TAOK1: variants seen among roughly 807,000 people sequenced by gnomAD.
The protein encoded by TAOK1 is TAO kinase 1.
TAOK1 carries 21 observed loss-of-function variants against 138.3 expected under a neutral mutation model. That is an observed-to-expected ratio of 0.15 (90% confidence interval 0.11 to 0.22). The LOEUF (loss-of-function observed/expected upper bound fraction) is 0.22. TAOK1 is among the 10% of genes least tolerant of loss of function. The pLI, the probability that TAOK1 is intolerant of heterozygous loss-of-function variation, is 1.00. For missense variants in TAOK1, 651 were observed against 1,227.7 expected (o/e 0.53, Z 7.02); for synonymous variants, 361 against 398.4 (o/e 0.91, Z 1.12).
intron 16 of TAOK1, among the ~76,000 whole-genome samples, chr17:29,520,482 C>T (rs1330767230): frequency 1.3e-5 from 2 of 150,266 alleles, no homozygotes; most frequent in African/African-American, 2.4e-5. Flanking sequence ...GGTGTGATCT[C>T]GGCTCACTGC....
intron 7 of TAOK1, 56 bp downstream of exon 7, chr17:29,480,537 T>G: frequency 1.4e-6 from 2 of 1,440,074 alleles, no homozygotes; most frequent in East Asian, 4.7e-5. Context: ...ATGTTTAACA[T>G]GAAATACAAA....
At chr17:29,494,547 C>G (rs1038233569) in intron 10 of TAOK1, among the ~76,000 whole-genome samples, 8 of 152,128 alleles carry the variant, frequency 5.3e-5, no homozygotes, top group Admixed American at 3.3e-4. Context: ...TCAAGGATAG[C>G]TGGGCGCGGT....
chr17:29,391,423 G>A (rs1282573869), intron 1 of TAOK1, among the ~76,000 whole-genome samples: 1 of 152,090 alleles, frequency 6.6e-6, no homozygotes. Flanking sequence ...GTGGCTTGCT[G>A]GGTGGATTCC....
At chr17:29,407,495 G>A (rs1399427502) in intron 1 of TAOK1, among the ~76,000 whole-genome samples, 3 of 151,014 alleles carry the variant, frequency 2.0e-5, no homozygotes, top group African/African-American at 7.3e-5. Flanking sequence ...ACCCAGGCTG[G>A]AGTGCAGGGG....
rs1387251994 is a variant in TAOK1, at chr17:29,502,569, T to C, written c.1204-20T>C. On this transcript the variant is annotated intron_variant, in intron 12 of 19. Coordinates refer to ENST00000261716, the MANE Select transcript of TAOK1 (RefSeq NM_020791.4). ...AAACTGTTCACCTTACATAATATTG[T>C]CTTTTTTTTTTTTTCCTAGGAGGAA... 4 of 1,589,088 alleles carry C rather than the reference T, an allele frequency of 2.5e-6. No homozygotes were observed. Among genetic ancestry groups the C allele is most frequent in the Non-Finnish European group, 2.6e-6 (3 of 1,167,360 alleles).
intron 8 of TAOK1, among the ~76,000 whole-genome samples, chr17:29,484,283 G>A (rs948362925): frequency 6.6e-6 from 1 of 152,132 alleles, no homozygotes; most frequent in Non-Finnish European, 1.5e-5. Flanking sequence ...CATTCATTTG[G>A]TATCTTCACT....
At chr17:29,497,714 C>CAAAAAAAAAA (rs373537264) in intron 11 of TAOK1, among the ~76,000 whole-genome samples, 5 of 100,590 alleles carry the variant, frequency 5.0e-5, no homozygotes, top group South Asian at 3.2e-4. Flanking sequence ...TATTGAAATA[C>CAAAAAAAAAA]AAAAAAAAAA....
At chr17:29,403,902 G>A (rs1321588419) in intron 1 of TAOK1, 1 of 151,938 alleles carries the variant, frequency 6.6e-6, no homozygotes, top group Non-Finnish European at 1.5e-5. Flanking sequence ...CGTTATTAGT[G>A]ATAATGATTT....
chr17:29,453,447 T>C (rs1320911935), intron 2 of TAOK1, among the ~76,000 whole-genome samples: 1 of 152,132 alleles, frequency 6.6e-6, no homozygotes, highest in Non-Finnish European at 1.5e-5. Context: ...GACGGGGTTT[T>C]GCCATGTTGG....
chr17:29,529,559 T>C (rs514334), intron 17 of TAOK1, among the ~76,000 whole-genome samples: 57,405 of 151,840 alleles, frequency 0.38, 12,052 homozygotes, highest in Non-Finnish European at 0.48. Flanking sequence ...CAGTGAAACC[T>C]TGTCTCTACA....
At chr17:29,458,077 T>G (rs2030436900) in intron 2 of TAOK1, among the ~76,000 whole-genome samples, 1 of 150,914 alleles carries the variant, frequency 6.6e-6, no homozygotes, top group African/African-American at 2.4e-5. Context: ...GCCACTGGGC[T>G]CCAGCCTGGG....
At chr17:29,524,465 A>G (rs1203611058) in intron 17 of TAOK1, among the ~76,000 whole-genome samples, 1 of 152,238 alleles carries the variant, frequency 6.6e-6, no homozygotes, top group East Asian at 1.9e-4. Flanking sequence ...GCTTATAAAC[A>G]GTAGTCCGAT....
At chr17:29,408,870 G>A (rs1431976686) in intron 1 of TAOK1, among the ~76,000 whole-genome samples, 3 of 151,478 alleles carry the variant, frequency 2.0e-5, no homozygotes, top group Non-Finnish European at 2.9e-5. Flanking sequence ...ATGCCACCAC[G>A]CCTGGCTAAT....
At position 29,510,850 on chromosome 17, in the gene TAOK1, T is replaced by A; in HGVS notation, c.1576-14T>A. 2 of 1,552,758 alleles carry A rather than the reference T, an allele frequency of 1.3e-6. No homozygotes were observed. The highest frequency in any genetic ancestry group is 1.7e-6 in the Non-Finnish European group (2 of 1,154,204). ...ACTTAACTAAATTTGATTCATTTTTTAAACTTCATATAGGCTAAAGTGATG... is the reference window on the plus strand; with the variant it reads ...ACTTAACTAAATTTGATTCATTTTTAAAACTTCATATAGGCTAAAGTGATG... On this transcript the variant is annotated splice_polypyrimidine_tract_variant and intron_variant, in intron 14 of 19. Coordinates refer to ENST00000261716, the MANE Select transcript of TAOK1 (RefSeq NM_020791.4).
intron 13 of TAOK1, among the ~76,000 whole-genome samples, chr17:29,503,853 C>G (rs2031577422): frequency 6.6e-6 from 1 of 151,962 alleles, no homozygotes; most frequent in African/African-American, 2.4e-5. Context: ...GCTCACACCT[C>G]TAATCCCAGC....
chr17:29,416,157 G>A (rs1310005958), intron 1 of TAOK1, among the ~76,000 whole-genome samples: 2 of 151,982 alleles, frequency 1.3e-5, no homozygotes, highest in African/African-American at 4.8e-5. Context: ...CAAGCTACTG[G>A]GGAGGCTGAA....
At chr17:29,412,097 CTGT>C (rs1905160100) in intron 1 of TAOK1, among the ~76,000 whole-genome samples, 1 of 151,778 alleles carries the variant, frequency 6.6e-6, no homozygotes, top group Non-Finnish European at 1.5e-5. Flanking sequence ...GGCTGGAGTG[CTGT>C]TGTGCAATCT....
chr17:29,520,081 T>G (rs2031887664), intron 16 of TAOK1, among the ~76,000 whole-genome samples: 1 of 151,002 alleles, frequency 6.6e-6, no homozygotes, highest in Admixed American at 6.6e-5. Context: ...CTCAAGAGGC[T>G]GAGGCACAAG....
At chr17:29,411,965 C>A (rs1391059113) in intron 1 of TAOK1, among the ~76,000 whole-genome samples, 2 of 151,826 alleles carry the variant, frequency 1.3e-5, no homozygotes, top group African/African-American at 4.8e-5. Context: ...TTTGATTGAC[C>A]CCTCCATATC....
Sources: allele counts gnomAD v4.1 joint callset (sites outside exome capture counted in the v4.1 genomes callset), GRCh38; gene constraint gnomAD v4.1.1; transcripts MANE v1.5; gene names NCBI Gene and HGNC (gene_info 2026-07-23, HGNC 2026-07-21).